Variants in DNAH3 observed in about 807,000 individuals in gnomAD.
DNAH3 encodes the protein dynein axonemal heavy chain 3, also known as axonemal beta dynein heavy chain 3.
In DNAH3, 332 loss-of-function variants were observed where a neutral mutation model predicts 432.5. That is an observed-to-expected ratio of 0.77 (90% CI 0.70 to 0.84). The LOEUF is 0.84. Among genes scored for constraint, DNAH3 ranks in the 40% least tolerant of loss-of-function variants. DNAH3 has a pLI of 0.00. For missense variants in DNAH3, 4,861 were observed against 5,114.0 expected, an observed-to-expected ratio of 0.95 and a Z score of 1.51; for synonymous variants, 1,956 against 1,900.2, an observed-to-expected ratio of 1.03 and a Z score of -0.76.
At chr16:21,075,080 T>C (rs2152766832) in intron 21 of DNAH3, among the ~76,000 whole-genome samples, 1 of 152,272 alleles carries the variant, frequency 6.6e-6, no homozygotes, top group Admixed American at 6.5e-5. Context: ...CTGCATGCAT[T>C]GACATCTGAG....
Position 21,121,105 on chromosome 16 carries a change from A to G in DNAH3, c.1585-251T>C, listed in dbSNP as rs1340678820. 3 of 599,650 alleles carry G rather than the reference A, an allele frequency of 5.0e-6. No homozygotes were observed. In the East Asian group the frequency reaches 1.1e-4, roughly 22 times the overall value. The allele number at this position is 599,650 out of a possible 1,614,324, so 37.1% of individuals were successfully genotyped here. On this transcript the variant is annotated intron_variant, in intron 10 of 61. Coordinates refer to ENST00000261383, the Ensembl canonical transcript of DNAH3. ...CATGTGAAGCATACATAATGCATGGAGAGAGTGAGAAGGTGGAAGGGTGAG... is the reference window on the plus strand; with the variant it reads ...CATGTGAAGCATACATAATGCATGGGGAGAGTGAGAAGGTGGAAGGGTGAG...
intron 54 of DNAH3, among the ~76,000 whole-genome samples, chr16:20,958,302 G>A (rs557520705): frequency 8.5e-5 from 13 of 152,114 alleles, no homozygotes; most frequent in African/African-American, 3.1e-4. Context: ...TTGAACTCCT[G>A]GGTTCAAGCA....
At chr16:20,979,118 C>CA (rs2085735324) in intron 50 of DNAH3, among the ~76,000 whole-genome samples, 2 of 151,754 alleles carry the variant, frequency 1.3e-5, no homozygotes, top group East Asian at 1.9e-4. Context: ...AAAATTAATG[C>CA]AAAAAACCCA....
At chr16:21,074,757 G>T (rs1373354754) in intron 21 of DNAH3, among the ~76,000 whole-genome samples, 1 of 151,722 alleles carries the variant, frequency 6.6e-6, no homozygotes, top group Non-Finnish European at 1.5e-5. Context: ...CAGGATGTGT[G>T]TATCAACCTG....
chr16:21,073,800 G>A (rs1031014752), intron 21 of DNAH3, among the ~76,000 whole-genome samples: 13 of 152,080 alleles, frequency 8.5e-5, no homozygotes, highest in African/African-American at 2.4e-4. Context: ...CAAGACTGTC[G>A]TTCCTGAGGG....
At chr16:21,117,264 C>T (rs1270639792) in exon 12 of DNAH3, 1 of 1,611,156 alleles carries the variant, frequency 6.2e-7, no homozygotes, top group South Asian at 1.1e-5. Flanking sequence ...AAATCAGAAA[C>T]AAGTTTTTCT....
intron 19 of DNAH3, among the ~76,000 whole-genome samples, chr16:21,083,528 T>C (rs13337676): frequency 0.17 from 25,423 of 152,160 alleles, 2,472 homozygotes; most frequent in African/African-American, 0.26. Flanking sequence ...TTCCATTTCG[T>C]TTGAAACCAC....
At chr16:20,985,625 G>C in exon 48 of DNAH3, 1 of 1,614,140 alleles carries the variant, frequency 6.2e-7, no homozygotes, top group Non-Finnish European at 8.5e-7. Context: ...TAGATTTTTT[G>C]GTCACTTTCT....
At chr16:20,986,481 T>C (rs991351294) in intron 47 of DNAH3, among the ~76,000 whole-genome samples, 1 of 152,188 alleles carries the variant, frequency 6.6e-6, no homozygotes, top group Non-Finnish European at 1.5e-5. Flanking sequence ...CACTCCAGCC[T>C]GGGTGACAGA....
chr16:21,113,275 G>A (rs1014659796), intron 12 of DNAH3, among the ~76,000 whole-genome samples: 5 of 152,104 alleles, frequency 3.3e-5, no homozygotes, highest in Non-Finnish European at 7.3e-5. Flanking sequence ...TTTTTCCCAT[G>A]TTATTCTCAT....
chr16:21,039,857 G>A, exon 33 of DNAH3: 1 of 1,610,802 alleles, frequency 6.2e-7, no homozygotes, highest in Non-Finnish European at 8.5e-7. Flanking sequence ...CACACCTTCT[G>A]GAGTCCAGAA....
intron 16 of DNAH3, 93 bp from the exon 17 acceptor site, chr16:21,098,862 C>T (rs2091764265): frequency 6.1e-6 from 8 of 1,310,742 alleles, no homozygotes; most frequent in Admixed American, 2.4e-5. Context: ...AGCCTGCAGA[C>T]AATTTGATCA....
intron 8 of DNAH3, among the ~76,000 whole-genome samples, chr16:21,126,090 G>A (rs868263878): frequency 6.6e-6 from 1 of 152,214 alleles, no homozygotes; most frequent in Non-Finnish European, 1.5e-5. Flanking sequence ...TTGAACCTGG[G>A]AGATGGGAGG....
intron 54 of DNAH3, 109 bp downstream of exon 54, chr16:20,959,070 G>C: frequency 4.3e-6 from 5 of 1,172,298 alleles, no homozygotes; most frequent in Non-Finnish European, 5.0e-6. Flanking sequence ...GCCTGGCCTA[G>C]ACTGAAAGTT....
In DNAH3 at chr16:20,988,265, T is replaced by C. The variant is rs1334586743; in HGVS notation, c.6602-200A>G. Among the ~76,000 whole-genome samples, 3 of 152,156 alleles carry C rather than the reference T, an allele frequency of 2.0e-5. No individual in the cohort carries two copies. In the East Asian group the frequency reaches 5.8e-4, roughly 29 times the overall value. On this transcript the variant is annotated intron_variant, in intron 44 of 61. Coordinates refer to ENST00000261383, the Ensembl canonical transcript of DNAH3. Reference sequence around the variant, plus strand: ...TATTAAATAACATTAAAAATGCTCTTCCTTAGTCTCACCACACTTCAAGTG... The same window carrying C: ...TATTAAATAACATTAAAAATGCTCTCCCTTAGTCTCACCACACTTCAAGTG...
intron 27 of DNAH3, among the ~76,000 whole-genome samples, 172 bp from the exon 28 acceptor site, chr16:21,054,706 A>C (rs2090073880): frequency 6.6e-6 from 1 of 152,160 alleles, no homozygotes; most frequent in Non-Finnish European, 1.5e-5. Flanking sequence ...TGAATTCCTA[A>C]TGCATTATGC....
chr16:21,127,418 G>A (rs749473022), intron 8 of DNAH3, among the ~76,000 whole-genome samples: 2 of 151,410 alleles, frequency 1.3e-5, no homozygotes, highest in Admixed American at 6.6e-5. Flanking sequence ...AAAAATAGCC[G>A]GGCATGGTGG....
intron 40 of DNAH3, among the ~76,000 whole-genome samples, chr16:21,020,348 G>GTATATA (rs58198093): frequency 1.4e-5 from 1 of 69,178 alleles, no homozygotes; most frequent in Non-Finnish European, 2.5e-5. Context: ...TATAGTGTGT[G>GTATATA]TATATATATA....
At chr16:21,009,459 T>C (rs2087474456) in intron 41 of DNAH3, among the ~76,000 whole-genome samples, 1 of 152,204 alleles carries the variant, frequency 6.6e-6, no homozygotes, top group Non-Finnish European at 1.5e-5. Flanking sequence ...TTTAATAGAA[T>C]AGAATCGCTT....
Sources: allele counts gnomAD v4.1 joint callset (sites outside exome capture counted in the v4.1 genomes callset), GRCh38; gene constraint gnomAD v4.1.1; transcripts MANE v1.5; gene names NCBI Gene and HGNC (gene_info 2026-07-23, HGNC 2026-07-21).